Variants in PRKCB observed in about 807,000 individuals in gnomAD.
PRKCB encodes the protein protein kinase C beta type.
Under a neutral mutation model 81.5 loss-of-function variants are expected in PRKCB, and 13 were observed. The observed-to-expected ratio is 0.16, with a 90% CI of 0.10 to 0.25. The LOEUF (loss-of-function observed/expected upper bound fraction) is 0.25, where lower values mean the gene tolerates loss of function less well. Ranked by LOEUF, PRKCB falls within the 10% of genes least tolerant of loss-of-function variation. The probability of loss-of-function intolerance (pLI) is 1.00; values close to 1 mark genes in which losing one functional copy is unlikely to be tolerated. For missense variants in PRKCB, 509 were observed against 875.7 expected (o/e 0.58, Z 5.29); for synonymous variants, 335 against 321.4 (o/e 1.04, Z -0.45).
chr16:23,920,015 C>T (rs1021963374), intron 2 of PRKCB, among the ~76,000 whole-genome samples: 7 of 152,092 alleles, frequency 4.6e-5, no homozygotes, highest in Non-Finnish European at 7.4e-5. Context: ...GGCTATGAAC[C>T]CAGAAGTGGA....
chr16:23,869,152 G>C, intron 2 of PRKCB: 1 of 453,658 alleles, frequency 2.2e-6, no homozygotes, highest in South Asian at 1.6e-5. Context: ...TGGAGCATTG[G>C]CCAATGGAAC....
intron 2 of PRKCB, among the ~76,000 whole-genome samples, chr16:23,886,417 T>TTGTTTTTTTTTTG (rs1963203203): frequency 7.1e-6 from 1 of 140,192 alleles, no homozygotes; most frequent in African/African-American, 2.7e-5. Flanking sequence ...TTTTTTTTTT[T>TTGTTTTTTTTTTG]TTTTTTTTTT....
At position 23,863,255 on chromosome 16, in the gene PRKCB, T is replaced by TACACACACAC. The variant is rs57495485; in HGVS notation, c.205+25870_205+25879dup. Among the ~76,000 whole-genome samples the TACACACACAC allele has an allele frequency of 5.4e-3, 714 of 132,750 alleles. 13 individuals carry two copies. The highest frequency in any genetic ancestry group is 0.013 in the African/African-American group (443 of 34,696). 87.1% of individuals were successfully genotyped at this position (132,750 alleles called of 152,430 possible). A position where few individuals can be genotyped will look rare whatever the true frequency, so the allele number is the denominator to read the frequency against. ...GTATATATATACATATATATACACA[T>TACACACACAC]ACACACACACACACACACACACACA... On this transcript the variant is annotated intron_variant, in intron 2 of 16. Transcript: ENST00000643927.
intron 3 of PRKCB, among the ~76,000 whole-genome samples, chr16:23,998,485 C>T (rs534931421): frequency 2.2e-4 from 33 of 152,218 alleles, no homozygotes; most frequent in East Asian, 5.8e-4. Context: ...GCTAGAGAAA[C>T]GGTATTGTGT....
At chr16:23,894,247 G>A (rs1963338052) in intron 2 of PRKCB, among the ~76,000 whole-genome samples, 1 of 152,194 alleles carries the variant, frequency 6.6e-6, no homozygotes, top group Admixed American at 6.5e-5. Context: ...GCCAAAGCAT[G>A]TGACATGGCC....
In PRKCB at chr16:24,113,084, C is replaced by CTTTTTCTCTTCTTTCT; in HGVS notation, c.918+26_918+41dup. ...AGAAATTTGAGGTGAGGTTTCTTTT[C>CTTTTTCTCTTCTTTCT]TTTTTCTCTTCTTTCTTTTTTCTCT... On this transcript the variant is annotated intron_variant, in intron 8 of 16. Transcript: ENST00000643927. 6.3e-7 allele frequency: 1 copy of CTTTTTCTCTTCTTTCT among 1,589,330 alleles called. No individual in the cohort carries two copies. Among genetic ancestry groups the CTTTTTCTCTTCTTTCT allele is most frequent in the Non-Finnish European group, 8.6e-7 (1 of 1,163,112 alleles).
chr16:24,027,017 T>C (rs1175515284), intron 3 of PRKCB, among the ~76,000 whole-genome samples: 1 of 152,164 alleles, frequency 6.6e-6, no homozygotes, highest in Non-Finnish European at 1.5e-5. Flanking sequence ...ATTATTATTA[T>C]ACTTTAAGTT....
At chr16:24,010,392 G>A (rs528593083) in intron 3 of PRKCB, among the ~76,000 whole-genome samples, 3 of 152,286 alleles carry the variant, frequency 2.0e-5, no homozygotes, top group Non-Finnish European at 2.9e-5. Flanking sequence ...TTTTTGGACT[G>A]GATTCCTTCT....
intron 2 of PRKCB, among the ~76,000 whole-genome samples, chr16:23,940,667 A>C (rs545545237): frequency 8.3e-4 from 127 of 152,280 alleles, no homozygotes; most frequent in African/African-American, 2.9e-3. Context: ...TGTAACATAT[A>C]CAATGAATAT....
chr16:24,054,482 T>C (rs914773409), intron 5 of PRKCB, among the ~76,000 whole-genome samples: 1 of 152,250 alleles, frequency 6.6e-6, no homozygotes, highest in African/African-American at 2.4e-5. Flanking sequence ...TGATAAGTGC[T>C]GGTGCTGGAA....
In PRKCB at chr16:24,034,506, T is replaced by C. The variant is rs533511726; in HGVS notation, c.401-913T>C. On this transcript the variant is annotated intron_variant, in intron 4 of 16. Coordinates refer to ENST00000643927, the MANE Select transcript of PRKCB (RefSeq NM_002738.7). Reference sequence around the variant, plus strand: ...CACATTGAAATAGACACAGATACTCTACGGAGGAGTGCGCAGAGGGAGTGG... The same window carrying C: ...CACATTGAAATAGACACAGATACTCCACGGAGGAGTGCGCAGAGGGAGTGG... 2.6e-5 allele frequency among the ~76,000 whole-genome samples: 4 copies of C among 152,306 alleles called. No homozygotes were observed. In the East Asian group the frequency reaches 7.7e-4, roughly 29 times the overall value.
At chr16:24,193,171 G>A (rs1389240445) in intron 16 of PRKCB, among the ~76,000 whole-genome samples, 3 of 151,752 alleles carry the variant, frequency 2.0e-5, no homozygotes, top group East Asian at 1.9e-4. Flanking sequence ...GGCCGGGTGC[G>A]GTGCCTCACG....
chr16:23,879,592 C>A (rs1963073699), intron 2 of PRKCB, among the ~76,000 whole-genome samples: 1 of 146,712 alleles, frequency 6.8e-6, no homozygotes, highest in African/African-American at 2.6e-5. Context: ...CTCCCCAGTT[C>A]AAGTGATTCT....
At position 24,017,236 on chromosome 16, in the gene PRKCB, G is replaced by A. The variant is rs559299351; in HGVS notation, c.289-14900G>A. ...TGAGCCGAGAATACATAAGAAATTC[G>A]TGTATCATAAAAGAGGCATTTCAAA... is the stretch of plus-strand genomic sequence containing the variant. On this transcript the variant is annotated intron_variant, in intron 3 of 16. Transcript: ENST00000643927. 1.8e-4 allele frequency among the ~76,000 whole-genome samples: 27 copies of A among 152,306 alleles called. No homozygotes were observed. The South Asian group carries it at 3.7e-3, about 21-fold the overall frequency.
At chr16:24,012,811 G>A (rs1406118924) in intron 3 of PRKCB, among the ~76,000 whole-genome samples, 2 of 152,298 alleles carry the variant, frequency 1.3e-5, no homozygotes, top group South Asian at 2.1e-4. Context: ...GTGCTCTGGC[G>A]TCAGGGTCCC....
chr16:24,186,845 C>T (rs1179176857), intron 15 of PRKCB, among the ~76,000 whole-genome samples: 1 of 152,242 alleles, frequency 6.6e-6, no homozygotes, highest in East Asian at 1.9e-4. Flanking sequence ...GGCTAAGATG[C>T]ATGTATCCCT....
chr16:23,911,128 C>T lies in PRKCB; in HGVS notation c.205+73722C>T, dbSNP rs1272118002. ...ATAAATAGCCATAAACGTATATATG[C>T]TTTTTTTTTTTTTTTTTTTTTTTTT... is the stretch of plus-strand genomic sequence containing the variant. On this transcript the variant is annotated intron_variant, in intron 2 of 16. Transcript: ENST00000643927. 3.8e-3 allele frequency among the ~76,000 whole-genome samples: 120 copies of T among 31,544 alleles called. 1 individual carries two copies. Among genetic ancestry groups the T allele is most frequent in the East Asian group, 6.4e-3 (5 of 778 alleles). 20.7% of individuals were successfully genotyped at this position (31,544 alleles called of 152,430 possible). A position where few individuals can be genotyped will look rare whatever the true frequency, so the allele number is the denominator to read the frequency against.
At chr16:24,052,128 T>G (rs1006631688) in intron 5 of PRKCB, among the ~76,000 whole-genome samples, 7 of 144,780 alleles carry the variant, frequency 4.8e-5, no homozygotes, top group African/African-American at 1.7e-4. Flanking sequence ...TTTATTTAAT[T>G]ATTTTATCAA....
At chr16:23,857,062 T>C (rs1962579660) in intron 2 of PRKCB, among the ~76,000 whole-genome samples, 1 of 152,222 alleles carries the variant, frequency 6.6e-6, no homozygotes, top group South Asian at 2.1e-4. Flanking sequence ...GAAGTTTTAT[T>C]CTTACCCCAT....
Sources: gnomAD v4.1 joint callset for allele counts (sites outside exome capture counted in the v4.1 genomes callset) on GRCh38, gnomAD v4.1.1 for gene constraint, MANE v1.5 for transcripts, NCBI Gene and HGNC (gene_info 2026-07-23, HGNC 2026-07-21) for gene names.